Variants in CADM2 observed in about 807,000 individuals in gnomAD.
CADM2 encodes the protein cell adhesion molecule 2.
CADM2 carries 12 observed loss-of-function variants against 49.8 expected under a neutral mutation model. That is an observed-to-expected ratio of 0.24 (90% CI 0.15 to 0.39). The LOEUF is 0.39. Ranked by LOEUF, CADM2 falls within the 10% of genes least tolerant of loss-of-function variation. The pLI is 1.00. For missense variants in CADM2, 378 were observed against 492.3 expected (o/e 0.77, Z 2.20); for synonymous variants, 214 against 175.4 (o/e 1.22, Z -1.74).
intron 1 of CADM2, among the ~76,000 whole-genome samples, chr3:85,178,924 A>G (rs918616438): frequency 6.6e-6 from 1 of 151,922 alleles, no homozygotes; most frequent in Non-Finnish European, 1.5e-5. Flanking sequence ...TTGGAATGCT[A>G]CAATTGAATG....
intron 2 of CADM2, among the ~76,000 whole-genome samples, chr3:85,792,446 T>A (rs948872957): frequency 4.6e-5 from 7 of 152,252 alleles, no homozygotes; most frequent in African/African-American, 1.7e-4. Flanking sequence ...TTGCTTATTT[T>A]TAGGAACTAA....
At chr3:85,205,766 T>A (rs907963182) in intron 1 of CADM2, among the ~76,000 whole-genome samples, 1 of 152,116 alleles carries the variant, frequency 6.6e-6, no homozygotes, top group African/African-American at 2.4e-5. Context: ...AAGTTGGACA[T>A]CATAATACAT....
At chr3:85,659,393 A>G (rs2065326339) in intron 1 of CADM2, among the ~76,000 whole-genome samples, 1 of 151,984 alleles carries the variant, frequency 6.6e-6, no homozygotes, top group Non-Finnish European at 1.5e-5. Flanking sequence ...TTTATCCCTT[A>G]TATCAAAAAC....
intron 1 of CADM2, among the ~76,000 whole-genome samples, chr3:85,300,006 T>C (rs984936667): frequency 6.6e-6 from 1 of 152,140 alleles, no homozygotes; most frequent in African/African-American, 2.4e-5. Flanking sequence ...ACAAAGATTT[T>C]TCTAAAAATT....
intron 1 of CADM2, among the ~76,000 whole-genome samples, chr3:85,303,616 A>C (rs985337334): frequency 6.6e-6 from 1 of 151,920 alleles, no homozygotes; most frequent in African/African-American, 2.4e-5. Flanking sequence ...AGGTCATATG[A>C]TATATATTAT....
At chr3:85,166,199 G>C (rs1349149363) in intron 1 of CADM2, among the ~76,000 whole-genome samples, 1 of 151,674 alleles carries the variant, frequency 6.6e-6, no homozygotes, top group Non-Finnish European at 1.5e-5. Context: ...CAATATATAT[G>C]GAATGTGCTA....
chr3:85,481,629 G>A (rs977560714), intron 1 of CADM2, among the ~76,000 whole-genome samples: 1 of 151,510 alleles, frequency 6.6e-6, no homozygotes, highest in Non-Finnish European at 1.5e-5. Flanking sequence ...AGGAGGTATG[G>A]CACTATAATA....
At chr3:85,377,047 AT>A (rs1398550538) in intron 1 of CADM2, among the ~76,000 whole-genome samples, 2 of 152,118 alleles carry the variant, frequency 1.3e-5, no homozygotes, top group African/African-American at 4.8e-5. Flanking sequence ...CCTAGTTTAC[AT>A]TAAATTTGCT....
chr3:85,168,557 A>G (rs941931160), intron 1 of CADM2, among the ~76,000 whole-genome samples: 6 of 152,100 alleles, frequency 3.9e-5, no homozygotes, highest in African/African-American at 1.4e-4. Flanking sequence ...TTAAAAATAC[A>G]TTTTTATTGT....
chr3:85,167,715 C>T (rs981078347), intron 1 of CADM2, among the ~76,000 whole-genome samples: 33 of 152,104 alleles, frequency 2.2e-4, no homozygotes, highest in African/African-American at 7.7e-4. Context: ...GCGTTCAGTA[C>T]TATTCAATAC....
Position 85,438,204 on chromosome 3 carries a change from C to G in CADM2, c.62-288318C>G, listed in dbSNP as rs138210532. 3.7e-4 allele frequency among the ~76,000 whole-genome samples: 57 copies of G among 152,050 alleles called. 1 individual carries two copies. In the East Asian group the frequency reaches 7.9e-3, roughly 21 times the overall value. On this transcript the variant is annotated intron_variant, in intron 1 of 9. Coordinates refer to ENST00000383699, the MANE Select transcript of CADM2 (RefSeq NM_001167675.2). The stretch of plus-strand genomic sequence containing the variant: ...TCCAAAATATTTTTATTACCAAATT[C>G]ATACCATGATCTTAACAAAAAAATT...
chr3:85,630,305 A>G (rs1019880995), intron 1 of CADM2, among the ~76,000 whole-genome samples: 1 of 151,928 alleles, frequency 6.6e-6, no homozygotes, highest in Admixed American at 6.6e-5. Context: ...TATACCTGAC[A>G]ATCTTTAATC....
intron 1 of CADM2, among the ~76,000 whole-genome samples, chr3:85,210,827 C>G (rs767381672): frequency 2.2e-4 from 33 of 152,102 alleles, no homozygotes; most frequent in Non-Finnish European, 4.1e-4. Flanking sequence ...AGGCATGAGG[C>G]ACCACACCAG....
At chr3:86,062,185 C>G (rs1470806610) in intron 8 of CADM2, among the ~76,000 whole-genome samples, 1 of 152,090 alleles carries the variant, frequency 6.6e-6, no homozygotes, top group African/African-American at 2.4e-5. Flanking sequence ...GCAAGATATT[C>G]AGCAAATAAA....
chr3:85,983,801 A>C (rs1727756676), intron 8 of CADM2, among the ~76,000 whole-genome samples: 2 of 150,880 alleles, frequency 1.3e-5, no homozygotes, highest in South Asian at 4.2e-4. Context: ...CTACCTATCT[A>C]TCTATCTATC....
intron 3 of CADM2, among the ~76,000 whole-genome samples, chr3:85,869,918 C>T (rs2075859301): frequency 6.6e-6 from 1 of 152,180 alleles, no homozygotes; most frequent in Admixed American, 6.5e-5. Flanking sequence ...GCCTTGGCCT[C>T]CCAAAGTGCT....
chr3:85,076,984 A>G (rs1342882557), intron 1 of CADM2, among the ~76,000 whole-genome samples: 2 of 152,166 alleles, frequency 1.3e-5, no homozygotes, highest in Non-Finnish European at 2.9e-5. Flanking sequence ...AATAGTAATA[A>G]CAATAATAAT....
At chr3:85,789,180 T>G (rs1273795095) in intron 2 of CADM2, among the ~76,000 whole-genome samples, 1 of 152,142 alleles carries the variant, frequency 6.6e-6, no homozygotes, top group African/African-American at 2.4e-5. Context: ...CTACCATCTG[T>G]GTGTTCCTTT....
intron 1 of CADM2, among the ~76,000 whole-genome samples, chr3:85,395,183 A>T (rs1400334205): frequency 6.6e-6 from 1 of 151,418 alleles, no homozygotes; most frequent in African/African-American, 2.4e-5. Context: ...CTGTGGGCCC[A>T]GCTACTTGGG....
Sources: allele counts gnomAD v4.1 joint callset (sites outside exome capture counted in the v4.1 genomes callset), GRCh38; gene constraint gnomAD v4.1.1; transcripts MANE v1.5; gene names NCBI Gene and HGNC (gene_info 2026-07-23, HGNC 2026-07-21).